PCDHGA4: variants seen among roughly 807,000 people sequenced by gnomAD.
PCDHGA4 encodes the protein protocadherin gamma subfamily A, 4, also known as protocadherin gamma-A4.
A neutral mutation model predicts 54.6 loss-of-function variants in PCDHGA4; 38 were observed. That is an observed-to-expected ratio of 0.70 (90% confidence interval 0.54 to 0.91). The LOEUF (loss-of-function observed/expected upper bound fraction) is 0.91. Ranked by LOEUF, PCDHGA4 falls within the 40% of genes least tolerant of loss-of-function variation. The pLI is 0.00. For missense variants in PCDHGA4, 1,298 were observed against 1,220.9 expected (o/e 1.06, Z -0.94); for synonymous variants, 511 against 512.9 (o/e 1.00, Z 0.05).
At chr5:141,385,015 G>C in intron 1 of PCDHGA4, 2 of 1,614,018 alleles carry the variant, frequency 1.2e-6, no homozygotes, top group South Asian at 2.2e-5. Context: ...CGTCTTCCTA[G>C]CCTTCGTCCT....
intron 1 of PCDHGA4, chr5:141,421,280 G>A (rs564480755): frequency 1.2e-6 from 2 of 1,612,948 alleles, no homozygotes; most frequent in South Asian, 2.2e-5. Context: ...CTGCTGCTGT[G>A]CATTTTCCTG....
chr5:141,472,980 C>CAAAAAAAAAAAAAAAAAGAAAAAAAA (rs2099309731), intron 1 of PCDHGA4, among the ~76,000 whole-genome samples: 1 of 86,100 alleles, frequency 1.2e-5, no homozygotes, highest in African/African-American at 3.9e-5. Flanking sequence ...GAGTGAAACT[C>CAAAAAAAAAAAAAAAAAGAAAAAAAA]AAAAAAAAAA....
intron 1 of PCDHGA4, chr5:141,403,092 A>G (rs764199669): frequency 6.2e-7 from 1 of 1,614,086 alleles, no homozygotes; most frequent in East Asian, 2.2e-5. Flanking sequence ...ATTGTGGGCA[A>G]CATCTCCAAG....
chr5:141,383,612 A>C (rs1387363746), intron 1 of PCDHGA4: 1 of 1,613,690 alleles, frequency 6.2e-7, no homozygotes, highest in East Asian at 2.2e-5. Flanking sequence ...GTGAATGACC[A>C]CACGCCTGTC....
At chr5:141,365,563 C>A (rs754759386) in intron 1 of PCDHGA4, 51 of 1,613,580 alleles carry the variant, frequency 3.2e-5, no homozygotes, top group Non-Finnish European at 3.8e-5. Flanking sequence ...GGGACCTGGA[C>A]AGAGAAGAGA....
chr5:141,420,301 CT>C, intron 1 of PCDHGA4: 1 of 1,462,308 alleles, frequency 6.8e-7, no homozygotes, highest in Non-Finnish European at 9.2e-7. Flanking sequence ...GTATTTAATC[CT>C]TTTTATATTA....
chr5:141,433,209 T>A, intron 1 of PCDHGA4: 3 of 465,024 alleles, frequency 6.5e-6, no homozygotes, highest in South Asian at 1.0e-4. Context: ...ATCTTCTTTC[T>A]TTTTTTTTTT....
At chr5:141,366,019 G>T in intron 1 of PCDHGA4, 2 of 1,614,226 alleles carry the variant, frequency 1.2e-6, no homozygotes, top group South Asian at 2.2e-5. Flanking sequence ...CTGAGATCCT[G>T]TACCCCGCCC....
At chr5:141,423,806 T>A in intron 1 of PCDHGA4, 1 of 1,251,576 alleles carries the variant, frequency 8.0e-7, no homozygotes, top group African/African-American at 1.6e-5. Flanking sequence ...GCAATACATG[T>A]GAGTTTTACT....
chr5:141,404,906 C>G, intron 1 of PCDHGA4: 8 of 1,613,864 alleles, frequency 5.0e-6, no homozygotes, highest in Non-Finnish European at 5.1e-6. Context: ...CCATGGCCAG[C>G]CCCCTCTCTC....
At chr5:141,422,758 A>C (rs1237677806) in intron 1 of PCDHGA4, 3 of 1,613,032 alleles carry the variant, frequency 1.9e-6, no homozygotes, top group Non-Finnish European at 2.5e-6. Flanking sequence ...TATTAACTCC[A>C]ACACTGGTGT....
intron 1 of PCDHGA4, among the ~76,000 whole-genome samples, chr5:141,469,340 G>A (rs1412181099): frequency 6.6e-6 from 1 of 152,138 alleles, no homozygotes; most frequent in Non-Finnish European, 1.5e-5. Context: ...ACTTTGGGAG[G>A]CTGAGGTGGA....
chr5:141,371,279 C>G lies in PCDHGA4; in HGVS notation c.2514+13658C>G, dbSNP rs1206885550. ...AAGTGAGACAACTGTTCAAGCTGGA[C>G]AGTAAAACGGGGGAACTCACCACTA... On this transcript the variant is annotated intron_variant, in intron 1 of 3. Transcript: ENST00000571252. 3 of 1,613,900 alleles carry G rather than the reference C, an allele frequency of 1.9e-6. No homozygotes were observed. In the African/African-American group the frequency reaches 4.0e-5, roughly 22 times the overall value.
intron 1 of PCDHGA4, chr5:141,422,091 G>C: frequency 6.2e-7 from 1 of 1,611,830 alleles, no homozygotes. Context: ...TGGAAAGCAA[G>C]GCTTCTGAAA....
Position 141,383,049 on chromosome 5 carries a change from G to C in PCDHGA4, c.2514+25428G>C, listed in dbSNP as rs779106714. 2.0e-5 allele frequency: 32 copies of C among 1,613,788 alleles called. No homozygotes were observed. Among genetic ancestry groups the C allele is most frequent in the Non-Finnish European group, 2.7e-5 (32 of 1,179,922 alleles). ...GGTCCTTTGTGGGAGACATCGCCAAGGACCTGGGGCTGGAGCCCCGGGAGC... is the reference window on the plus strand; with the variant it reads ...GGTCCTTTGTGGGAGACATCGCCAACGACCTGGGGCTGGAGCCCCGGGAGC... On this transcript the variant is annotated intron_variant, in intron 1 of 3. Coordinates refer to ENST00000571252, the MANE Select transcript of PCDHGA4 (RefSeq NM_018917.4).
intron 1 of PCDHGA4, chr5:141,415,337 G>A: frequency 1.2e-6 from 2 of 1,614,210 alleles, no homozygotes; most frequent in Non-Finnish European, 1.7e-6. Flanking sequence ...CACAGGCTGC[G>A]GCGCTGGCAC....
chr5:141,363,393 A>G (rs906655840), intron 1 of PCDHGA4, among the ~76,000 whole-genome samples: 2 of 152,232 alleles, frequency 1.3e-5, no homozygotes, highest in Non-Finnish European at 2.9e-5. Flanking sequence ...TTCTGTTGTC[A>G]TATAAAGATG....
chr5:141,432,378 C>A lies in PCDHGA4; in HGVS notation c.2515-62429C>A. On this transcript the variant is annotated intron_variant, in intron 1 of 3. Coordinates refer to ENST00000571252, the MANE Select transcript of PCDHGA4 (RefSeq NM_018917.4). This position sits in a 1 kb window ranked among gnomAD's most constrained non-coding sequence, Gnocchi z 6.0. ...GTGATGGCGCGGGACAACGGGCACC[C>A]GCCCCTCAGCAGCAACGTGTCGTTG... 6.2e-7 allele frequency: 1 copy of A among 1,614,234 alleles called. No individual in the cohort carries two copies. Among genetic ancestry groups the A allele is most frequent in the South Asian group, 1.1e-5 (1 of 91,082 alleles).
rs13158033 is a variant in PCDHGA4 at position 141,367,145 on chromosome 5, T to C, written c.2514+9524T>C. The C allele has an allele frequency of 2.1e-3, 361 of 168,776 alleles. 1 individual carries two copies. The highest frequency in any genetic ancestry group is 0.012 in the Middle Eastern group (4 of 326). 10.5% of individuals were successfully genotyped at this position (168,776 alleles called of 1,614,324 possible). A position where few individuals can be genotyped will look rare whatever the true frequency, so the allele number is the denominator to read the frequency against. ...AATGTGTTTTGGAAAGGATAATGTATAGGACTGATATTTTAGTCTACCTGA... is the reference window on the plus strand; with the variant it reads ...AATGTGTTTTGGAAAGGATAATGTACAGGACTGATATTTTAGTCTACCTGA... On this transcript the variant is annotated intron_variant, in intron 1 of 3. Transcript: ENST00000571252.
Sources: allele counts gnomAD v4.1 joint callset (sites outside exome capture counted in the v4.1 genomes callset), GRCh38; gene constraint gnomAD v4.1.1; non-coding constraint Gnocchi (gnomAD v3.1); transcripts MANE v1.5; gene names NCBI Gene and HGNC (gene_info 2026-07-23, HGNC 2026-07-21).